The following CDH12 variants were observed in gnomAD, a reference collection of about 807,000 sequenced individuals.
CDH12 encodes the protein cadherin 12, also known as cadherin-12.
Under a neutral mutation model 74.1 loss-of-function variants are expected in CDH12, and 41 were observed. That is an observed-to-expected ratio of 0.55 (90% CI 0.43 to 0.72). The LOEUF (loss-of-function observed/expected upper bound fraction) is 0.72. Ranked by LOEUF, CDH12 falls within the 30% of genes least tolerant of loss-of-function variation. CDH12 has a pLI of 0.00. For missense variants in CDH12, 945 were observed against 977.2 expected (o/e 0.97, Z 0.44); for synonymous variants, 399 against 355.0 (o/e 1.12, Z -1.39).
At chr5:21,789,400 A>G (rs1351501937) in intron 10 of CDH12, among the ~76,000 whole-genome samples, 3 of 152,036 alleles carry the variant, frequency 2.0e-5, no homozygotes, top group African/African-American at 7.2e-5. Context: ...GTTCTGGGTT[A>G]AGTGTCACTG....
At chr5:22,176,902 C>T (rs1001088535) in intron 4 of CDH12, among the ~76,000 whole-genome samples, 14 of 152,078 alleles carry the variant, frequency 9.2e-5, no homozygotes, top group South Asian at 2.1e-4. Context: ...CCCTTTCCCT[C>T]GATATCTTCA....
At position 22,168,080 on chromosome 5, in the gene CDH12, G is replaced by A. The variant is rs1748792778; in HGVS notation, c.-187+44418C>T. Among the ~76,000 whole-genome samples, 6 of 152,242 alleles carry A rather than the reference G, an allele frequency of 3.9e-5. No homozygotes were observed. In the South Asian group the frequency reaches 1.2e-3, roughly 32 times the overall value. ...AGAAGCTGAGGATTGTCAGAGAAAG[G>A]TGGAAGTGTTTATTTTTCTTTCTTT... On this transcript the variant is annotated intron_variant, in intron 4 of 14. Coordinates refer to ENST00000382254, the MANE Select transcript of CDH12 (RefSeq NM_004061.5).
At chr5:22,524,826 T>C (rs919444317) in intron 1 of CDH12, among the ~76,000 whole-genome samples, 3 of 152,092 alleles carry the variant, frequency 2.0e-5, no homozygotes, top group Admixed American at 6.5e-5. Flanking sequence ...TATTTTTTAT[T>C]ATACTTTAAG....
intron 2 of CDH12, among the ~76,000 whole-genome samples, chr5:22,460,624 A>G (rs1480942909): frequency 2.6e-5 from 4 of 151,376 alleles, no homozygotes; most frequent in Admixed American, 1.3e-4. Context: ...TAATATCAAG[A>G]GTCTGGGAAA....
At chr5:22,740,222 A>G (rs1257948039) in intron 1 of CDH12, among the ~76,000 whole-genome samples, 1 of 152,076 alleles carries the variant, frequency 6.6e-6, no homozygotes, top group Non-Finnish European at 1.5e-5. Context: ...GAAGCTCCTG[A>G]TTCCTTAGTT....
intron 1 of CDH12, among the ~76,000 whole-genome samples, chr5:22,780,451 G>T (rs554666587): frequency 6.6e-6 from 1 of 152,304 alleles, no homozygotes; most frequent in South Asian, 2.1e-4. Flanking sequence ...AAGGCCTCAG[G>T]AAACTTACAA....
intron 3 of CDH12, among the ~76,000 whole-genome samples, chr5:22,348,509 T>C (rs1740220507): frequency 6.6e-6 from 1 of 152,218 alleles, no homozygotes; most frequent in Admixed American, 6.5e-5. Flanking sequence ...AACTAGATAG[T>C]GTTGTGAACA....
chr5:22,718,643 A>T (rs1252059759), intron 1 of CDH12, among the ~76,000 whole-genome samples: 1 of 152,126 alleles, frequency 6.6e-6, no homozygotes, highest in African/African-American at 2.4e-5. Flanking sequence ...GCTCAGGGTC[A>T]CTCGATATCA....
intron 6 of CDH12, among the ~76,000 whole-genome samples, chr5:21,958,155 A>T (rs567377919): frequency 1.4e-3 from 217 of 152,182 alleles, no homozygotes; most frequent in African/African-American, 5.0e-3. Context: ...AAAAAGGTGC[A>T]TTGCGTCCCT....
At chr5:22,580,640 CA>C in intron 1 of CDH12, 1 of 465,424 alleles carries the variant, frequency 2.1e-6, no homozygotes, top group South Asian at 1.7e-5. Flanking sequence ...CTACTGACCA[CA>C]AAATAGGCAC....
At chr5:22,502,261 C>T (rs1736199089) in intron 2 of CDH12, among the ~76,000 whole-genome samples, 2 of 151,974 alleles carry the variant, frequency 1.3e-5, no homozygotes, top group African/African-American at 4.8e-5. Flanking sequence ...CTCATGAGAT[C>T]TGGTGGTTTT....
chr5:22,488,642 T>C (rs1746707921), intron 2 of CDH12, among the ~76,000 whole-genome samples: 1 of 152,124 alleles, frequency 6.6e-6, no homozygotes. Flanking sequence ...TCTGGGCCAC[T>C]ATCCATCTAC....
At chr5:21,958,159 C>T (rs536258598) in intron 6 of CDH12, among the ~76,000 whole-genome samples, 1 of 152,236 alleles carries the variant, frequency 6.6e-6, no homozygotes, top group South Asian at 2.1e-4. Context: ...AGGTGCATTG[C>T]GTCCCTTTCA....
intron 1 of CDH12, among the ~76,000 whole-genome samples, chr5:22,527,198 T>C (rs1442382260): frequency 1.3e-5 from 2 of 152,098 alleles, no homozygotes; most frequent in Non-Finnish European, 2.9e-5. Context: ...AGACTAGTAG[T>C]ATAAATTAGT....
intron 1 of CDH12, among the ~76,000 whole-genome samples, chr5:22,544,492 T>C (rs1738233249): frequency 6.6e-6 from 1 of 152,122 alleles, no homozygotes; most frequent in Non-Finnish European, 1.5e-5. Flanking sequence ...TCTCAGATCA[T>C]CCATCTTAGA....
intron 1 of CDH12, among the ~76,000 whole-genome samples, chr5:22,691,570 T>A (rs1742083152): frequency 6.6e-6 from 1 of 152,224 alleles, no homozygotes; most frequent in South Asian, 2.1e-4. Flanking sequence ...TTTCACAAAG[T>A]CCAAGAGGTT....
chr5:22,491,164 C>T (rs1474098782), intron 2 of CDH12, among the ~76,000 whole-genome samples: 2 of 152,104 alleles, frequency 1.3e-5, no homozygotes, highest in African/African-American at 4.8e-5. Context: ...TTTTATAATA[C>T]AATCCCCAAT....
At chr5:22,476,433 A>AT (rs1032920753) in intron 2 of CDH12, among the ~76,000 whole-genome samples, 9 of 152,226 alleles carry the variant, frequency 5.9e-5, no homozygotes, top group Non-Finnish European at 1.3e-4. Flanking sequence ...TAAAATTCAC[A>AT]TTTTAGGAAA....
chr5:21,949,323 G>A (rs866195726), intron 6 of CDH12, among the ~76,000 whole-genome samples: 7 of 151,724 alleles, frequency 4.6e-5, no homozygotes, highest in East Asian at 2.0e-4. Context: ...GGTGGGGGGC[G>A]CCTATATTCC....
Sources: allele counts gnomAD v4.1 joint callset (sites outside exome capture counted in the v4.1 genomes callset), GRCh38; gene constraint gnomAD v4.1.1; transcripts MANE v1.5; gene names NCBI Gene and HGNC (gene_info 2026-07-23, HGNC 2026-07-21).